MYO1E: variants seen among roughly 807,000 people sequenced by gnomAD.
The protein encoded by MYO1E is unconventional myosin-Ie.
In MYO1E, 68 loss-of-function variants were observed where a neutral mutation model predicts 151.1. The observed-to-expected ratio is 0.45, with a 90% CI of 0.37 to 0.55. The LOEUF (loss-of-function observed/expected upper bound fraction) is 0.55. MYO1E is among the 20% of genes least tolerant of loss of function. MYO1E has a pLI of 0.00. For synonymous variants in MYO1E, 601 were observed against 501.7 expected, an observed-to-expected ratio of 1.20 and a Z score of -2.64; for missense variants, 1,363 against 1,389.3, an observed-to-expected ratio of 0.98 and a Z score of 0.30.
chr15:59,206,161 CA>C (rs1206728461), intron 14 of MYO1E, among the ~76,000 whole-genome samples: 1 of 152,018 alleles, frequency 6.6e-6, no homozygotes, highest in Non-Finnish European at 1.5e-5. Context: ...ATAAGAACAC[CA>C]AAAGTGCACT....
At chr15:59,233,910 A>C (rs909100809) in intron 5 of MYO1E, among the ~76,000 whole-genome samples, 23 of 151,566 alleles carry the variant, frequency 1.5e-4, no homozygotes, top group African/African-American at 5.6e-4. Flanking sequence ...AAATCTCATT[A>C]ATTTTGTTAT....
Position 59,135,877 on chromosome 15 carries a change from G to A in MYO1E, c.*1503C>T, listed in dbSNP as rs533856760. On this transcript the variant is annotated 3_prime_UTR_variant, in exon 28 of 28. Coordinates refer to ENST00000288235, the MANE Select transcript of MYO1E (RefSeq NM_004998.4). ...ACTTACAACCATTCCATTATTGATG[G>A]GCATTACACTGATTCCAGCTTTTCA... The A allele has an allele frequency of 6.6e-6, 1 of 152,142 alleles. No homozygotes were observed. Among genetic ancestry groups the A allele is most frequent in the Non-Finnish European group, 1.5e-5 (1 of 68,036 alleles). 9.4% of individuals were successfully genotyped at this position (152,142 alleles called of 1,614,324 possible).
chr15:59,348,729 TC>T (rs1412512014), intron 1 of MYO1E: 1 of 152,116 alleles, frequency 6.6e-6, no homozygotes, highest in Non-Finnish European at 1.5e-5. Context: ...GCTCCCAGGT[TC>T]AAGTGATTCT....
intron 4 of MYO1E, among the ~76,000 whole-genome samples, chr15:59,255,350 T>C (rs115254156): frequency 0.027 from 4,040 of 152,230 alleles, 173 homozygotes; most frequent in African/African-American, 0.091. Context: ...ACTCTGCGGC[T>C]TACAGGTGTG....
chr15:59,256,316 GATC>G lies in MYO1E; in HGVS notation c.297_299del (p.Met99del). 6.2e-7 allele frequency: 1 copy of G among 1,612,758 alleles called. No homozygotes were observed. The highest frequency in any genetic ancestry group is 8.5e-7 in the Non-Finnish European group (1 of 1,178,998). ...TGACGCACTGGTTCTCTCTGTCAAT[GATC>G]ATGTTTCTGTACATATTATCTGCAA... On this transcript the variant is annotated inframe_deletion, in exon 4 of 28. Coordinates refer to ENST00000288235, the MANE Select transcript of MYO1E (RefSeq NM_004998.4).
chr15:59,166,138 A>T (rs1170982661), intron 22 of MYO1E, among the ~76,000 whole-genome samples: 1 of 152,234 alleles, frequency 6.6e-6, no homozygotes, highest in Non-Finnish European at 1.5e-5. Context: ...TTTGACTTTA[A>T]CCAACAACTC....
At chr15:59,340,019 T>G (rs1016943644) in intron 1 of MYO1E, among the ~76,000 whole-genome samples, 2 of 151,986 alleles carry the variant, frequency 1.3e-5, no homozygotes, top group African/African-American at 4.8e-5. Flanking sequence ...GGCTAATTTT[T>G]TTGTTGTTGT....
intron 4 of MYO1E, among the ~76,000 whole-genome samples, chr15:59,255,497 C>T (rs1035611895): frequency 2.6e-5 from 4 of 152,102 alleles, no homozygotes; most frequent in Admixed American, 1.3e-4. Context: ...CAGGCTCAAG[C>T]GATTCTCCCA....
Position 59,135,670 on chromosome 15 carries a change from G to C in MYO1E, c.*1710C>G, listed in dbSNP as rs931864980. ...GAAGTAAAACACAGCAGAATTAAAT[G>C]TATCTTCGTTTCAAATCTAGATCAA... is the stretch of plus-strand genomic sequence containing the variant. On this transcript the variant is annotated 3_prime_UTR_variant, in exon 28 of 28. Transcript: ENST00000288235. The C allele has an allele frequency of 6.6e-6, 1 of 152,184 alleles. No individual in the cohort carries two copies. Among genetic ancestry groups the C allele is most frequent in the African/African-American group, 2.4e-5 (1 of 41,430 alleles). The allele number at this position is 152,184 out of a possible 1,614,324, so 9.4% of individuals were successfully genotyped here. A position where few individuals can be genotyped will look rare whatever the true frequency, so the allele number is the denominator to read the frequency against.
chr15:59,248,127 C>CAAAAAAAA (rs138467126), intron 4 of MYO1E, among the ~76,000 whole-genome samples: 12 of 35,906 alleles, frequency 3.3e-4, no homozygotes, highest in East Asian at 3.0e-3. Context: ...GACTCCGTCT[C>CAAAAAAAA]AAAAAAAAAA....
intron 4 of MYO1E, among the ~76,000 whole-genome samples, chr15:59,244,852 C>T (rs1167917624): frequency 6.6e-6 from 1 of 152,148 alleles, no homozygotes; most frequent in Middle Eastern, 3.2e-3. Flanking sequence ...AAAAGAGTTG[C>T]TGTTATGTTT....
rs547139050 is a variant in MYO1E at position 59,296,830 on chromosome 15, T to C, written c.4-24381A>G. Among the ~76,000 whole-genome samples, 17 of 148,786 alleles carry C rather than the reference T, an allele frequency of 1.1e-4. No homozygotes were observed. In the South Asian group the frequency reaches 3.7e-3, roughly 32 times the overall value. ...TACACAAATATACAAAGAATTCACA[T>C]ACTTTTTTCTTTTTTTTTTTTTTTT... On this transcript the variant is annotated intron_variant, in intron 1 of 27. Coordinates refer to ENST00000288235, the MANE Select transcript of MYO1E (RefSeq NM_004998.4).
At chr15:59,180,544 C>CTT (rs796277432) in intron 18 of MYO1E, among the ~76,000 whole-genome samples, 2 of 144,394 alleles carry the variant, frequency 1.4e-5, no homozygotes, top group African/African-American at 5.1e-5. Flanking sequence ...CTGCGTTTCT[C>CTT]TTTTTTTTTT....
chr15:59,166,936 C>T (rs1390999325), intron 22 of MYO1E, among the ~76,000 whole-genome samples: 1 of 152,164 alleles, frequency 6.6e-6, no homozygotes, highest in Non-Finnish European at 1.5e-5. Flanking sequence ...CTGTCTGTTC[C>T]CCCTTCCAGA....
chr15:59,221,201 G>A (rs545737223), intron 9 of MYO1E, among the ~76,000 whole-genome samples: 1 of 151,774 alleles, frequency 6.6e-6, no homozygotes, highest in Admixed American at 6.6e-5. Flanking sequence ...AGTAGAGACA[G>A]GATTTCACCA....
At chr15:59,165,885 G>A (rs1429428389) in intron 22 of MYO1E, among the ~76,000 whole-genome samples, 1 of 152,178 alleles carries the variant, frequency 6.6e-6, no homozygotes, top group Non-Finnish European at 1.5e-5. Flanking sequence ...TTCCTGTTTT[G>A]GTTGTTTGCT....
At chr15:59,348,076 C>T (rs2080804276) in intron 1 of MYO1E, among the ~76,000 whole-genome samples, 1 of 152,152 alleles carries the variant, frequency 6.6e-6, no homozygotes, top group Non-Finnish European at 1.5e-5. Flanking sequence ...GCTGAATCAC[C>T]TCCTCAGGTG....
chr15:59,227,859 T>C (rs555767183), intron 6 of MYO1E, among the ~76,000 whole-genome samples: 1 of 152,308 alleles, frequency 6.6e-6, no homozygotes, highest in South Asian at 2.1e-4. Context: ...TTTCCCCCAG[T>C]AGGTGCCTGT....
At chr15:59,308,191 C>G (rs1403880595) in intron 1 of MYO1E, among the ~76,000 whole-genome samples, 9 of 135,440 alleles carry the variant, frequency 6.6e-5, no homozygotes, top group African/African-American at 1.7e-4. Context: ...CCACTGCACT[C>G]CAGCTTGGGT....
Sources: gnomAD v4.1 joint callset for allele counts (sites outside exome capture counted in the v4.1 genomes callset) on GRCh38, gnomAD v4.1.1 for gene constraint, MANE v1.5 for transcripts, NCBI Gene and HGNC (gene_info 2026-07-23, HGNC 2026-07-21) for gene names.